The following KCNK2 variants were observed in gnomAD, a reference collection of about 807,000 sequenced individuals.
KCNK2 encodes potassium channel subfamily K member 2.
In KCNK2, 21 loss-of-function variants were observed where a neutral mutation model predicts 40.5. The observed-to-expected ratio is 0.52, with a 90% CI of 0.37 to 0.75. The LOEUF is 0.75. Among genes scored for constraint, KCNK2 ranks in the 30% least tolerant of loss-of-function variants. The pLI, the probability that KCNK2 is intolerant of heterozygous loss-of-function variation, is 0.00. For synonymous variants in KCNK2, 191 were observed against 202.2 expected (o/e 0.94, Z 0.47); for missense variants, 399 against 531.6 (o/e 0.75, Z 2.45).
intron 2 of KCNK2, among the ~76,000 whole-genome samples, chr1:215,094,445 G>A (rs1333842057): frequency 6.6e-6 from 1 of 151,996 alleles, no homozygotes; most frequent in Non-Finnish European, 1.5e-5. Flanking sequence ...GTGCTGCAAA[G>A]GTGAGAGTTC....
At chr1:215,229,484 G>C (rs1281448713) in intron 6 of KCNK2, among the ~76,000 whole-genome samples, 1 of 151,824 alleles carries the variant, frequency 6.6e-6, no homozygotes, top group Non-Finnish European at 1.5e-5. Context: ...GGCAACCTCA[G>C]GAGATTCTAT....
chr1:215,090,962 T>C (rs1259982711), intron 2 of KCNK2, among the ~76,000 whole-genome samples: 4 of 152,162 alleles, frequency 2.6e-5, no homozygotes, highest in Admixed American at 1.3e-4. Flanking sequence ...ATGGTGGGTG[T>C]TGAGCCATTT....
At position 215,176,327 on chromosome 1, in the gene KCNK2, CT is replaced by C. The variant is rs1206336231; in HGVS notation, c.823+4152del. On this transcript the variant is annotated intron_variant, in intron 5 of 6. Transcript: ENST00000444842. ...AGTGTCTGTTCATGCCCTTTGCCCA[CT>C]TTTTTTTCTTCAACTTTTATTTTAA... Among the ~76,000 whole-genome samples, 16 of 151,950 alleles carry C rather than the reference CT, an allele frequency of 1.1e-4. No individual in the cohort carries two copies. In the South Asian group the frequency reaches 1.5e-3, roughly 14 times the overall value.
At chr1:215,059,981 T>C (rs1031470938) in intron 1 of KCNK2, among the ~76,000 whole-genome samples, 2 of 152,174 alleles carry the variant, frequency 1.3e-5, no homozygotes, top group African/African-American at 2.4e-5. Flanking sequence ...GGGCTTCCGA[T>C]GCAGTTGACG....
At chr1:215,228,510 A>C (rs6540887) in intron 6 of KCNK2, among the ~76,000 whole-genome samples, 77,513 of 151,950 alleles carry the variant, frequency 0.51, 21,144 homozygotes, top group East Asian at 0.61. Flanking sequence ...AGTTAAGAAT[A>C]CATGGAATTC....
chr1:215,104,435 T>TACACAGCAGCAGATTGCCCC (rs1660349295), intron 2 of KCNK2, among the ~76,000 whole-genome samples: 2 of 152,076 alleles, frequency 1.3e-5, no homozygotes, highest in African/African-American at 4.8e-5. Context: ...TTCTTTGCCC[T>TACACAGCAGCAGATTGCCCC]ACACAGCAGC....
Position 215,213,865 on chromosome 1 carries a change from T to A in KCNK2, c.963+18773T>A, listed in dbSNP as rs1186416510. On this transcript the variant is annotated intron_variant, in intron 6 of 6. Coordinates refer to ENST00000444842, the MANE Select transcript of KCNK2 (RefSeq NM_001017425.3). Reference sequence around the variant, plus strand: ...TGAAAAGCAACTAAGTAAAAAGTGTTGTCTCAAAAGTTCTTGGGTAATGTC... The same window carrying A: ...TGAAAAGCAACTAAGTAAAAAGTGTAGTCTCAAAAGTTCTTGGGTAATGTC... 2.0e-5 allele frequency among the ~76,000 whole-genome samples: 3 copies of A among 152,260 alleles called. No homozygotes were observed. In the East Asian group the frequency reaches 5.8e-4, roughly 29 times the overall value.
chr1:215,007,227 A>ATATATG lies in KCNK2; in HGVS notation c.34+1272_34+1273insTATATG, dbSNP rs1337347831. The stretch of plus-strand genomic sequence containing the variant: ...TATATATATATATATATATATATAT[A>ATATATG]GGCTCATTTCCAATTAGTATGTAAT... On this transcript the variant is annotated intron_variant, in intron 1 of 6. Transcript: ENST00000391895. Among the ~76,000 whole-genome samples the ATATATG allele has an allele frequency of 6.6e-4, 63 of 95,748 alleles. 4 individuals are homozygous for ATATATG. The highest frequency in any genetic ancestry group is 9.1e-4 in the Non-Finnish European group (44 of 48,214). 62.8% of individuals were successfully genotyped at this position (95,748 alleles called of 152,430 possible).
At chr1:215,122,308 C>T (rs1361222362) in intron 2 of KCNK2, among the ~76,000 whole-genome samples, 1 of 151,840 alleles carries the variant, frequency 6.6e-6, no homozygotes, top group African/African-American at 2.4e-5. Context: ...TGTGTTAAAT[C>T]TATGAAAATA....
chr1:215,064,690 G>A (rs577603897), intron 1 of KCNK2, among the ~76,000 whole-genome samples: 15 of 152,282 alleles, frequency 9.9e-5, no homozygotes, highest in African/African-American at 3.1e-4. Context: ...TAAGAGTATC[G>A]TCTTCAGGGA....
At chr1:215,062,384 C>T (rs1658391409) in intron 1 of KCNK2, among the ~76,000 whole-genome samples, 2 of 151,956 alleles carry the variant, frequency 1.3e-5, no homozygotes, top group Non-Finnish European at 2.9e-5. Flanking sequence ...GTGCTCAGCT[C>T]ATGAGCTAAA....
chr1:215,051,437 G>A (rs1483449612), intron 1 of KCNK2, among the ~76,000 whole-genome samples: 1 of 152,182 alleles, frequency 6.6e-6, no homozygotes, highest in Admixed American at 6.5e-5. Context: ...GAGTAAATTT[G>A]TCAGATGTGG....
chr1:215,122,263 A>T (rs1474024179), intron 2 of KCNK2, among the ~76,000 whole-genome samples: 1 of 152,140 alleles, frequency 6.6e-6, no homozygotes, highest in South Asian at 2.1e-4. Flanking sequence ...CAAACATTTA[A>T]CATATGTGAA....
At chr1:215,230,575 T>C (rs1285825425) in intron 6 of KCNK2, among the ~76,000 whole-genome samples, 4 of 76,556 alleles carry the variant, frequency 5.2e-5, no homozygotes, top group South Asian at 9.8e-4. Flanking sequence ...TATATATATA[T>C]ACAAGACCGT....
intron 1 of KCNK2, among the ~76,000 whole-genome samples, chr1:215,064,185 C>A (rs149800034): frequency 6.6e-6 from 1 of 152,078 alleles, no homozygotes; most frequent in African/African-American, 2.4e-5. Flanking sequence ...AAGGAGATTC[C>A]GTGTGAAACA....
chr1:215,035,618 C>T (rs1448383597), intron 1 of KCNK2, among the ~76,000 whole-genome samples: 2 of 151,912 alleles, frequency 1.3e-5, no homozygotes, highest in African/African-American at 2.4e-5. Context: ...ATAGATATAC[C>T]ATAGTTTGTT....
intron 6 of KCNK2, among the ~76,000 whole-genome samples, chr1:215,206,179 T>G (rs1408835186): frequency 6.6e-6 from 1 of 152,198 alleles, no homozygotes. Context: ...CATATAAGAT[T>G]GAGTCCAGTG....
chr1:215,156,813 T>C (rs1662951408), intron 3 of KCNK2, among the ~76,000 whole-genome samples: 1 of 151,970 alleles, frequency 6.6e-6, no homozygotes, highest in African/African-American at 2.4e-5. Context: ...TTTTAAACCA[T>C]CAGATCTCAT....
At chr1:215,187,200 G>A (rs940276971) in intron 5 of KCNK2, among the ~76,000 whole-genome samples, 3 of 152,034 alleles carry the variant, frequency 2.0e-5, no homozygotes, top group African/African-American at 7.2e-5. Context: ...GAACTCCTGG[G>A]CTCAAGCGAA....
Sources: allele counts gnomAD v4.1 joint callset (sites outside exome capture counted in the v4.1 genomes callset), GRCh38; gene constraint gnomAD v4.1.1; transcripts MANE v1.5; gene names NCBI Gene and HGNC (gene_info 2026-07-23, HGNC 2026-07-21).